Variants in ORC1 observed in about 807,000 individuals in gnomAD.
ORC1 encodes the protein origin recognition complex, subunit 1 homolog.
A neutral mutation model predicts 98.9 loss-of-function variants in ORC1; 61 were observed. The observed-to-expected ratio is 0.62, with a 90% CI of 0.50 to 0.76. The LOEUF (loss-of-function observed/expected upper bound fraction) is 0.76. ORC1 is among the 30% of genes least tolerant of loss of function. ORC1 has a pLI of 0.00. For missense variants in ORC1, 979 were observed against 1,072.2 expected, an observed-to-expected ratio of 0.91 and a Z score of 1.21; for synonymous variants, 385 against 406.9, an observed-to-expected ratio of 0.95 and a Z score of 0.65.
rs766565536 is a variant in ORC1, at chr1:52,374,933, T to C, written c.2304-36A>G. The C allele has an allele frequency of 4.5e-6, 6 of 1,335,034 alleles. No individual in the cohort carries two copies. In the African/African-American group the frequency reaches 7.2e-5, roughly 16 times the overall value. 82.7% of individuals were successfully genotyped at this position (1,335,034 alleles called of 1,614,324 possible). ...ACGAGGGGATGTGAGTTTTTGTCAG[T>C]GGCTGTAACCCCAGCCCAGAGGAAA... On this transcript the variant is annotated intron_variant, in intron 15 of 16. Coordinates refer to ENST00000371568, the MANE Select transcript of ORC1 (RefSeq NM_004153.4).
chr1:52,376,352 T>A (rs961372976), intron 14 of ORC1, among the ~76,000 whole-genome samples: 5 of 152,068 alleles, frequency 3.3e-5, no homozygotes, highest in Non-Finnish European at 7.4e-5. Flanking sequence ...CTATCTCTAC[T>A]AAAAATACAA....
Position 52,384,650 on chromosome 1 carries a change from T to C in ORC1, c.1655A>G (p.Gln552Arg). 1 of 1,612,378 alleles carries C rather than the reference T, an allele frequency of 6.2e-7. No homozygotes were observed. Among genetic ancestry groups the C allele is most frequent in the African/African-American group, 1.3e-5 (1 of 74,998 alleles). The change falls in exon 11 of 17, where the codon CAG becomes CGG. Residue 552 changes from glutamine (Q) to arginine (R), a missense_variant. Transcript: ENST00000371568. ...AACATCATTGGCTTGGGCTGCCTGC[T>C]GCAGGCAGCGTATCACTTCATGAAC... ...ATVHEVIRCLQQAAQANDVPP... is the reference protein window; with the variant it reads ...ATVHEVIRCLRQAAQANDVPP...
intron 8 of ORC1, among the ~76,000 whole-genome samples, chr1:52,386,996 A>C (rs547668307): frequency 5.3e-5 from 8 of 152,300 alleles, no homozygotes; most frequent in Non-Finnish European, 1.2e-4. Context: ...ATTTTGGAGA[A>C]AACAGAAAAG....
chr1:52,376,792 C>G (rs1388434038), intron 14 of ORC1, among the ~76,000 whole-genome samples: 1 of 152,050 alleles, frequency 6.6e-6, no homozygotes, highest in Non-Finnish European at 1.5e-5. Flanking sequence ...ACTTGGCAAC[C>G]CTATGCATCC....
chr1:52,389,225 C>G lies in ORC1; in HGVS notation c.1179G>C (p.Gln393His). 1 of 1,613,250 alleles carries G rather than the reference C, an allele frequency of 6.2e-7. No homozygotes were observed. ...CCAAGGAGTAGTCTTACCGAAGCTG[C>G]TGCCTAATCCGATTCATAGTCAAGA... is the stretch of plus-strand genomic sequence containing the variant. Reference protein sequence around the residue: ...SSVLTMNRIRQQLRFLGNSKS... With the variant: ...SSVLTMNRIRHQLRFLGNSKS... Residue 393 changes from glutamine (Q) to histidine (H), a missense_variant, in exon 7 of 17, where the codon CAG becomes CAC. Gln to His is a conservative substitution (Grantham distance 24). Transcript: ENST00000371568.
Position 52,375,367 on chromosome 1 carries a change from G to T in ORC1, c.2303+63C>A, listed in dbSNP as rs943900714. On this transcript the variant is annotated intron_variant, in intron 15 of 16. Coordinates refer to ENST00000371568, the MANE Select transcript of ORC1 (RefSeq NM_004153.4). ...ATAAGTGCAGGTTGAATGAGTAAAA[G>T]CTTAGAAAGGGAAACATGTTTCTAC... The T allele has an allele frequency of 2.0e-6, 3 of 1,486,442 alleles. No individual in the cohort carries two copies. In the African/African-American group the frequency reaches 4.1e-5, roughly 21 times the overall value. The allele number at this position is 1,486,442 out of a possible 1,614,324, so 92.1% of individuals were successfully genotyped here.
intron 5 of ORC1, among the ~76,000 whole-genome samples, chr1:52,394,112 A>G (rs764856478): frequency 1.5e-4 from 23 of 152,182 alleles, no homozygotes; most frequent in African/African-American, 4.8e-5. Flanking sequence ...GTGGGTCTCA[A>G]TCAGGGGTGA....
chr1:52,408,932 C>T (rs189207078), upstream of ORC1: 166 of 383,924 alleles, frequency 4.3e-4, no homozygotes, highest in African/African-American at 3.1e-3. Flanking sequence ...ATGTTAATCC[C>T]TGCCTTGCAT....
chr1:52,384,328 G>A (rs548390495), intron 11 of ORC1, among the ~76,000 whole-genome samples: 3 of 152,294 alleles, frequency 2.0e-5, no homozygotes, highest in Admixed American at 2.0e-4. Flanking sequence ...TTCACCATGT[G>A]GGTAAGTACT....
At chr1:52,376,491 G>A (rs942936823) in intron 14 of ORC1, among the ~76,000 whole-genome samples, 1 of 151,942 alleles carries the variant, frequency 6.6e-6, no homozygotes, top group Admixed American at 6.6e-5. Flanking sequence ...CTCCAGTCTA[G>A]AGTCCATCTA....
chr1:52,384,672 G>C lies in ORC1; in HGVS notation c.1633C>G (p.His545Asp). Residue 545 changes from histidine to aspartate, a missense_variant, in exon 11 of 17, where the codon CAT becomes GAT. Physicochemically the swap from His to Asp is moderately conservative, Grantham distance 81 (BLOSUM62 -1). Coordinates refer to ENST00000371568, the MANE Select transcript of ORC1 (RefSeq NM_004153.4). The stretch of plus-strand genomic sequence containing the variant: ...TGCTGCAGGCAGCGTATCACTTCAT[G>C]AACAGTGGCAGTCTTCCCTGTCCCA... ...VPGTGKTATV[H>D]EVIRCLQQAA... is the part of the protein sequence containing the mutation. 6.2e-7 allele frequency: 1 copy of C among 1,613,926 alleles called. No individual in the cohort carries two copies. The highest frequency in any genetic ancestry group is 8.5e-7 in the Non-Finnish European group (1 of 1,179,936).
In ORC1 at chr1:52,401,503, G is replaced by A. The variant is rs764217409; in HGVS notation, c.96-14C>T. 5.6e-6 allele frequency: 9 copies of A among 1,613,724 alleles called. No individual in the cohort carries two copies. Among genetic ancestry groups the A allele is most frequent in the Non-Finnish European group, 7.6e-6 (9 of 1,179,982 alleles). On this transcript the variant is annotated splice_polypyrimidine_tract_variant and intron_variant, in intron 2 of 16. Transcript: ENST00000371568. Reference sequence around the variant, plus strand: ...ACACACATTTCTCTAGGAAGTAACAGAGAAGCACATTAGGAAATAACTTAA... The same window carrying A: ...ACACACATTTCTCTAGGAAGTAACAAAGAAGCACATTAGGAAATAACTTAA...
At chr1:52,384,506 C>T (rs780605177) in intron 11 of ORC1, 44 bp downstream of exon 11, 31 of 1,572,706 alleles carry the variant, frequency 2.0e-5, no homozygotes, top group Middle Eastern at 1.7e-4. Flanking sequence ...TCATGTGTCA[C>T]GAAGAAACAG....
At chr1:52,393,359 G>C in intron 6 of ORC1, 84 bp downstream of exon 6, 1 of 1,584,026 alleles carries the variant, frequency 6.3e-7, no homozygotes, top group Non-Finnish European at 8.6e-7. Flanking sequence ...TTCAACTACT[G>C]TTCTAACTTT....
At chr1:52,388,368 G>A (rs1312431174) in intron 8 of ORC1, 74 bp downstream of exon 8, 2 of 1,192,334 alleles carry the variant, frequency 1.7e-6, no homozygotes, top group African/African-American at 1.5e-5. Context: ...TTACTAATCT[G>A]TGACTTCAGC....
At chr1:52,404,525 G>T, upstream of ORC1, 1 of 483,576 alleles carries the variant, frequency 2.1e-6, no homozygotes. Flanking sequence ...CACCTAAGAG[G>T]GGCGCATGAC....
upstream of ORC1, among the ~76,000 whole-genome samples, chr1:52,405,214 A>G (rs1647943523): frequency 6.6e-6 from 1 of 152,238 alleles, no homozygotes; most frequent in African/African-American, 2.4e-5. Flanking sequence ...TTAAGGACCT[A>G]ACGTTAATAT....
At chr1:52,399,063 T>C (rs1288352606) in intron 3 of ORC1, among the ~76,000 whole-genome samples, 1 of 152,138 alleles carries the variant, frequency 6.6e-6, no homozygotes, top group Non-Finnish European at 1.5e-5. Context: ...TTCCTAATGG[T>C]GCTATCAGCC....
At chr1:52,408,484 A>T (rs929456413), upstream of ORC1, 1 of 1,561,802 alleles carries the variant, frequency 6.4e-7, no homozygotes, top group Non-Finnish European at 8.8e-7. Flanking sequence ...GAACATGTTT[A>T]TCCACTACTG....
Sources: gnomAD v4.1 joint callset for allele counts (sites outside exome capture counted in the v4.1 genomes callset) on GRCh38, gnomAD v4.1.1 for gene constraint, MANE v1.5 for transcripts, NCBI Gene and HGNC (gene_info 2026-07-23, HGNC 2026-07-21) for gene names.